Variants in PRKAA2 observed in about 807,000 individuals in gnomAD.
PRKAA2 encodes the protein 5'-AMP-activated protein kinase catalytic subunit alpha-2.
In PRKAA2, 40 loss-of-function variants were observed where a neutral mutation model predicts 56.3. The ratio of observed to expected loss-of-function variants is 0.71; its 90% CI spans 0.55 to 0.92. The LOEUF (loss-of-function observed/expected upper bound fraction) is 0.92, where lower values mean the gene tolerates loss of function less well. Among genes scored for constraint, PRKAA2 ranks in the 40% least tolerant of loss-of-function variants. The probability of loss-of-function intolerance (pLI) is 0.00; values close to 1 mark genes in which losing one functional copy is unlikely to be tolerated. For missense variants in PRKAA2, 542 were observed against 686.9 expected (o/e 0.79, Z 2.36); for synonymous variants, 214 against 234.2 (o/e 0.91, Z 0.79).
chr1:56,658,818 C>T (rs1013798645), intron 1 of PRKAA2, among the ~76,000 whole-genome samples: 6 of 151,876 alleles, frequency 4.0e-5, no homozygotes, highest in African/African-American at 1.4e-4. Context: ...TGGCTCACTG[C>T]AACCTCTGTC....
intron 6 of PRKAA2, among the ~76,000 whole-genome samples, chr1:56,703,458 G>A (rs957128020): frequency 1.7e-4 from 26 of 152,066 alleles, no homozygotes; most frequent in African/African-American, 5.6e-4. Context: ...GCACTATTTT[G>A]TATTAGCTGA....
At chr1:56,679,189 A>G (rs1331315348) in intron 2 of PRKAA2, among the ~76,000 whole-genome samples, 2 of 152,096 alleles carry the variant, frequency 1.3e-5, no homozygotes, top group African/African-American at 4.8e-5. Context: ...GTATTGATGC[A>G]GTCAAGTACA....
intron 1 of PRKAA2, among the ~76,000 whole-genome samples, chr1:56,661,718 AT>A (rs1385503227): frequency 6.6e-6 from 1 of 151,682 alleles, no homozygotes; most frequent in South Asian, 2.1e-4. Context: ...TTAGAAATAT[AT>A]TTTTTTCTAC....
At chr1:56,703,720 G>T (rs1310897973) in intron 6 of PRKAA2, among the ~76,000 whole-genome samples, 1 of 152,156 alleles carries the variant, frequency 6.6e-6, no homozygotes, top group African/African-American at 2.4e-5. Flanking sequence ...ATTGCTGGTT[G>T]TTTTCCTTAA....
chr1:56,651,607 A>G (rs931595632), intron 1 of PRKAA2, among the ~76,000 whole-genome samples: 4 of 152,190 alleles, frequency 2.6e-5, no homozygotes, highest in African/African-American at 9.7e-5. Context: ...GTCTGCTCAT[A>G]TTTATCAGAA....
At chr1:56,655,519 A>G (rs75371961) in intron 1 of PRKAA2, among the ~76,000 whole-genome samples, 5,227 of 151,816 alleles carry the variant, frequency 0.034, 224 homozygotes, top group African/African-American at 0.1. Flanking sequence ...CAATCAATAT[A>G]AAGTATTTGC....
chr1:56,666,139 A>G (rs1644034327), intron 1 of PRKAA2, among the ~76,000 whole-genome samples: 2 of 152,198 alleles, frequency 1.3e-5, no homozygotes, highest in Admixed American at 6.5e-5. Flanking sequence ...CCTGTATCAT[A>G]TATTCACGCA....
Position 56,704,251 on chromosome 1 carries a change from A to G in PRKAA2, c.1069A>G (p.Met357Val). ...TGGTTCTTTTATGGATGATAGTGCC[A>G]TGCATATTCCCCCAGGCCTGAAACC... Reference protein sequence around the residue: ...PSGSFMDDSAMHIPPGLKPHP... With the variant: ...PSGSFMDDSAVHIPPGLKPHP... Residue 357 changes from methionine (M) to valine (V), a missense_variant, in exon 7 of 9, where the codon ATG becomes GTG. Transcript: ENST00000371244. 6 of 1,614,162 alleles carry G rather than the reference A, an allele frequency of 3.7e-6. No homozygotes were observed. Among genetic ancestry groups the G allele is most frequent in the Non-Finnish European group, 5.1e-6 (6 of 1,180,024 alleles).
chr1:56,680,015 A>T (rs754864776), intron 2 of PRKAA2, among the ~76,000 whole-genome samples: 1 of 152,196 alleles, frequency 6.6e-6, no homozygotes, highest in South Asian at 2.1e-4. Flanking sequence ...TACATTTAAC[A>T]TGCAAAATGT....
At chr1:56,705,940 TTAAA>T (rs1644328977) in intron 7 of PRKAA2, 148 bp from the exon 8 acceptor site, 3 of 655,232 alleles carry the variant, frequency 4.6e-6, no homozygotes, top group Non-Finnish European at 7.6e-6. Context: ...TTAGTGGGGA[TTAAA>T]TAAATACTAA....
intron 1 of PRKAA2, among the ~76,000 whole-genome samples, chr1:56,667,468 C>T (rs1337090794): frequency 6.6e-6 from 1 of 152,096 alleles, no homozygotes; most frequent in Non-Finnish European, 1.5e-5. Context: ...TTCTATAATA[C>T]CTTTAATATG....
intron 6 of PRKAA2, among the ~76,000 whole-genome samples, chr1:56,700,597 C>CAGGCAGTTGCGATGTT (rs1233886263): frequency 5.3e-5 from 8 of 152,194 alleles, no homozygotes; most frequent in Non-Finnish European, 1.0e-4. Flanking sequence ...ACTGCTGCTT[C>CAGGCAGTTGCGATGTT]AGGCAGTTGC....
intron 2 of PRKAA2, among the ~76,000 whole-genome samples, chr1:56,691,036 A>G: frequency 6.6e-6 from 1 of 152,174 alleles, no homozygotes; most frequent in East Asian, 1.9e-4. Flanking sequence ...CATGAGCCAT[A>G]GTGTCTGGCC....
chr1:56,685,457 A>G (rs1440742480), intron 2 of PRKAA2, among the ~76,000 whole-genome samples: 1 of 152,130 alleles, frequency 6.6e-6, no homozygotes, highest in Admixed American at 6.6e-5. Flanking sequence ...TTAGATCAGA[A>G]TTCATTCATT....
At chr1:56,680,365 T>A (rs999170262) in intron 2 of PRKAA2, among the ~76,000 whole-genome samples, 1 of 152,050 alleles carries the variant, frequency 6.6e-6, no homozygotes, top group East Asian at 1.9e-4. Context: ...TCAAAAAAAT[T>A]TTTTTTATTA....
intron 1 of PRKAA2, among the ~76,000 whole-genome samples, 165 bp downstream of exon 1, chr1:56,645,646 C>A (rs1194625644): frequency 1.3e-5 from 2 of 151,834 alleles, no homozygotes; most frequent in Non-Finnish European, 2.9e-5. Flanking sequence ...CGCACCGCCT[C>A]GCCTGGCACC....
chr1:56,689,656 G>A (rs6588646), intron 2 of PRKAA2, among the ~76,000 whole-genome samples: 47,244 of 151,864 alleles, frequency 0.31, 8,081 homozygotes, highest in Admixed American at 0.46. Context: ...GAGGTGGGGT[G>A]CGCAGTGAGC....
intron 2 of PRKAA2, among the ~76,000 whole-genome samples, chr1:56,683,882 G>A (rs1036549730): frequency 6.6e-6 from 1 of 152,104 alleles, no homozygotes; most frequent in African/African-American, 2.4e-5. Context: ...TTTTACTCTT[G>A]TCTAAGATGG....
chr1:56,654,059 G>A (rs1199578191), intron 1 of PRKAA2, among the ~76,000 whole-genome samples: 2 of 151,962 alleles, frequency 1.3e-5, no homozygotes, highest in African/African-American at 4.8e-5. Context: ...ACCAAAATGA[G>A]GCTATACATA....
Sources: gnomAD v4.1 joint callset for allele counts (sites outside exome capture counted in the v4.1 genomes callset) on GRCh38, gnomAD v4.1.1 for gene constraint, MANE v1.5 for transcripts, NCBI Gene and HGNC (gene_info 2026-07-23, HGNC 2026-07-21) for gene names.